Variants in OSBPL9 observed in about 807,000 individuals in gnomAD.
OSBPL9 encodes the protein oxysterol-binding protein-related protein 9.
In OSBPL9, 40 loss-of-function variants were observed where a neutral mutation model predicts 106.6. The observed-to-expected ratio is 0.38, with a 90% CI of 0.29 to 0.49. OSBPL9 has a LOEUF of 0.49. Among genes scored for constraint, OSBPL9 ranks in the 20% least tolerant of loss-of-function variants. The pLI is 0.97. For missense variants in OSBPL9, 609 were observed against 887.2 expected, an observed-to-expected ratio of 0.69 and a Z score of 3.98; for synonymous variants, 269 against 295.4, an observed-to-expected ratio of 0.91 and a Z score of 0.92.
chr1:51,729,789 G>T lies in OSBPL9; in HGVS notation c.318+15710G>T. 2 of 1,229,682 alleles carry T rather than the reference G, an allele frequency of 1.6e-6. No individual in the cohort carries two copies. The highest frequency in any genetic ancestry group is 2.0e-6 in the Non-Finnish European group (2 of 978,492). The allele number at this position is 1,229,682 out of a possible 1,614,324, so 76.2% of individuals were successfully genotyped here. On this transcript the variant is annotated intron_variant, in intron 4 of 23. Transcript: ENST00000428468. The surrounding 1 kb of genome is among the most constrained non-coding windows in gnomAD (Gnocchi z 5.1). The stretch of plus-strand genomic sequence containing the variant: ...CAATCGGGGCGACCCCTCCGCCGGG[G>T]AGGGGACGGGAAAGGGGTGGGGGGT...
chr1:51,635,941 T>C (rs963341157), intron 1 of OSBPL9, among the ~76,000 whole-genome samples: 1 of 152,140 alleles, frequency 6.6e-6, no homozygotes, highest in Admixed American at 6.6e-5. Context: ...TGTGTGGCTA[T>C]TTATAATCTT....
intron 3 of OSBPL9, among the ~76,000 whole-genome samples, chr1:51,702,114 G>T (rs1043140185): frequency 6.6e-6 from 1 of 152,178 alleles, no homozygotes; most frequent in Non-Finnish European, 1.5e-5. Flanking sequence ...ACATACGTGT[G>T]CATGTGTCTT....
upstream of OSBPL9, among the ~76,000 whole-genome samples, chr1:51,574,827 C>A (rs1645173959): frequency 6.6e-6 from 1 of 151,956 alleles, no homozygotes; most frequent in Non-Finnish European, 1.5e-5. Context: ...CATTTTATAC[C>A]TTCTTGAATT....
chr1:51,581,445 C>G (rs1645221100), intron 1 of OSBPL9, among the ~76,000 whole-genome samples: 1 of 152,152 alleles, frequency 6.6e-6, no homozygotes, highest in South Asian at 2.1e-4. Context: ...CTTTTTTCCC[C>G]CTTCTTTCCA....
At chr1:51,647,553 T>G (rs1053905812) in intron 1 of OSBPL9, among the ~76,000 whole-genome samples, 8 of 152,184 alleles carry the variant, frequency 5.3e-5, no homozygotes, top group Admixed American at 4.6e-4. Flanking sequence ...GAGAAGTTTT[T>G]TGATTACTAA....
chr1:51,579,268 A>T (rs1645205225), intron 1 of OSBPL9, among the ~76,000 whole-genome samples: 1 of 152,132 alleles, frequency 6.6e-6, no homozygotes, highest in Non-Finnish European at 1.5e-5. Context: ...GCACACTAGA[A>T]GTGATCAATA....
At chr1:51,734,891 C>G (rs1488295771) in intron 4 of OSBPL9, among the ~76,000 whole-genome samples, 1 of 152,156 alleles carries the variant, frequency 6.6e-6, no homozygotes, top group Non-Finnish European at 1.5e-5. Flanking sequence ...CCTTGAGATT[C>G]AGCATCCAGA....
At chr1:51,579,291 G>GT (rs1280241263) in intron 1 of OSBPL9, among the ~76,000 whole-genome samples, 2 of 152,068 alleles carry the variant, frequency 1.3e-5, no homozygotes, top group Non-Finnish European at 2.9e-5. Flanking sequence ...TACTACTTGA[G>GT]TATTTGTGTG....
chr1:51,539,691 G>A, the OSBPL9 span, among the ~76,000 whole-genome samples: 3 of 152,174 alleles, frequency 2.0e-5, no homozygotes, highest in African/African-American at 7.2e-5. Flanking sequence ...GGCAGAGAGA[G>A]ATTGAGAAAT....
At chr1:51,677,211 C>A (rs903509677) in intron 3 of OSBPL9, among the ~76,000 whole-genome samples, 1 of 152,218 alleles carries the variant, frequency 6.6e-6, no homozygotes, top group Non-Finnish European at 1.5e-5. Flanking sequence ...TGGGAATGGG[C>A]CCGCTCTAGT....
chr1:51,673,784 A>C (rs1399656234), intron 3 of OSBPL9, among the ~76,000 whole-genome samples: 1 of 152,146 alleles, frequency 6.6e-6, no homozygotes, highest in African/African-American at 2.4e-5. Context: ...CCAGAGGACC[A>C]CTTGAGCCCA....
chr1:51,535,430 C>A, the OSBPL9 span, among the ~76,000 whole-genome samples: 1 of 152,142 alleles, frequency 6.6e-6, no homozygotes, highest in Non-Finnish European at 1.5e-5. Flanking sequence ...CTTTAAAGAG[C>A]TATCTTATGA....
Position 51,776,901 on chromosome 1 carries a change from T to A in OSBPL9, c.1239T>A (p.His413Gln). Reference protein sequence around the residue: ...LLEMYADFFAHPDLFVSISDQ... With the variant: ...LLEMYADFFAQPDLFVSISDQ... ...AAATGTATGCAGACTTTTTTGCACA[T>A]CCGGACCTGTTTGTGAGGTATTTGA... Residue 413 changes from histidine (H) to glutamine (Q), a missense_variant, in exon 15 of 24, where the codon CAT becomes CAA. Physicochemically the swap from His to Gln is conservative, Grantham distance 24. Coordinates refer to ENST00000428468, the MANE Select transcript of OSBPL9 (RefSeq NM_024586.6). 1 of 1,611,162 alleles carries A rather than the reference T, an allele frequency of 6.2e-7. No homozygotes were observed. The highest frequency in any genetic ancestry group is 8.5e-7 in the Non-Finnish European group (1 of 1,177,324).
chr1:51,720,522 C>T (rs1389532014), intron 4 of OSBPL9, among the ~76,000 whole-genome samples: 1 of 151,968 alleles, frequency 6.6e-6, no homozygotes, highest in African/African-American at 2.4e-5. Flanking sequence ...GGCGGGGTCT[C>T]ACCATGTTGT....
Position 51,720,514 on chromosome 1 carries a change from C to T in OSBPL9, c.318+6435C>T, listed in dbSNP as rs556099904. Reference sequence around the variant, plus strand: ...CTGATTTTTTGTATTTTAGTAGAGGCGGGGTCTCACCATGTTGTCAAGATG... The same window carrying T: ...CTGATTTTTTGTATTTTAGTAGAGGTGGGGTCTCACCATGTTGTCAAGATG... On this transcript the variant is annotated intron_variant, in intron 4 of 23. Transcript: ENST00000428468. Among the ~76,000 whole-genome samples, 5 of 151,928 alleles carry T rather than the reference C, an allele frequency of 3.3e-5. 1 individual carries two copies. In the South Asian group the frequency reaches 8.3e-4, roughly 25 times the overall value.
the OSBPL9 span, chr1:51,519,283 G>C: frequency 4.6e-6 from 5 of 1,084,612 alleles, no homozygotes; most frequent in Non-Finnish European, 6.0e-6. Context: ...ACTGGGGCTC[G>C]GGGCGGGGAG....
At chr1:51,747,775 A>C (rs1048779420) in intron 6 of OSBPL9, among the ~76,000 whole-genome samples, 2 of 152,006 alleles carry the variant, frequency 1.3e-5, no homozygotes, top group African/African-American at 2.4e-5. Flanking sequence ...GTAAGGAATA[A>C]GAATTTTTTG....
chr1:51,616,187 G>A (rs1306828728), upstream of OSBPL9, among the ~76,000 whole-genome samples: 1 of 152,004 alleles, frequency 6.6e-6, no homozygotes, highest in Admixed American at 6.6e-5. Flanking sequence ...CTTTTACCAT[G>A]TTGGCCAGGC....
intron 4 of OSBPL9, among the ~76,000 whole-genome samples, chr1:51,739,790 T>A (rs904773661): frequency 3.9e-5 from 6 of 151,996 alleles, no homozygotes; most frequent in African/African-American, 1.4e-4. Flanking sequence ...TGTAAATGTT[T>A]CCAAATTTTC....
Sources: allele counts gnomAD v4.1 joint callset (sites outside exome capture counted in the v4.1 genomes callset), GRCh38; gene constraint gnomAD v4.1.1; non-coding constraint Gnocchi (gnomAD v3.1); transcripts MANE v1.5; gene names NCBI Gene and HGNC (gene_info 2026-07-23, HGNC 2026-07-21).